Variants in CDK5RAP1 observed in about 807,000 individuals in gnomAD.
CDK5RAP1 encodes mitochondrial tRNA methylthiotransferase CDK5RAP1.
CDK5RAP1 carries 62 observed loss-of-function variants against 64.5 expected under a neutral mutation model. That is an observed-to-expected ratio of 0.96 (90% CI 0.78 to 1.19). CDK5RAP1 has a LOEUF of 1.19. CDK5RAP1 is among the 50% of genes most tolerant of loss of function. The pLI, the probability that CDK5RAP1 is intolerant of heterozygous loss-of-function variation, is 0.00. For missense variants in CDK5RAP1, 657 were observed against 735.0 expected, an observed-to-expected ratio of 0.89 and a Z score of 1.23; for synonymous variants, 250 against 261.9, an observed-to-expected ratio of 0.95 and a Z score of 0.44.
chr20:33,366,924 G>T lies in CDK5RAP1; in HGVS notation c.1477C>A (p.Arg493=). 1 of 1,613,742 alleles carries T rather than the reference G, an allele frequency of 6.2e-7. No individual in the cohort carries two copies. Among genetic ancestry groups the T allele is most frequent in the Admixed American group, 1.7e-5 (1 of 59,988 alleles). The change falls in exon 12 of 14, where the codon CGA becomes AGA. Residue 493 remains arginine (R), a synonymous_variant. Coordinates refer to ENST00000346416, the MANE Select transcript of CDK5RAP1 (RefSeq NM_016408.4). ...RRLEELITIF[R]EEATKANQTS... ...TGATTGGCTTTTGTTGCTTCTTCTC[G>T]GAAGATAGTGATGAGTTCCTCCAAA...
rs753298516 is a variant in CDK5RAP1, at chr20:33,387,355, G to A, written c.723C>T (p.Val241=). The part of the protein sequence containing the change: ...LDETYADVMP[V]QTSASATSAF... The stretch of plus-strand genomic sequence containing the variant: ...CAGACGTGGCACTGGCGCTTGTCTG[G>A]ACTGGCATGACATCAGCATAGGTCT... The change falls in exon 6 of 14, where the codon GTC becomes GTT. Residue 241 remains valine, a synonymous_variant. Transcript: ENST00000346416. The A allele has an allele frequency of 6.2e-7, 1 of 1,614,056 alleles. No individual in the cohort carries two copies. The highest frequency in any genetic ancestry group is 8.5e-7 in the Non-Finnish European group (1 of 1,179,996).
rs1987602179 is a variant in CDK5RAP1, at chr20:33,387,512, T to G, written c.566A>C (p.Lys189Thr). The change falls in exon 6 of 14, where the codon AAG becomes ACG. Residue 189 changes from lysine (K) to threonine (T), a missense_variant. By Grantham distance (78) the Lys-to-Thr change is moderately conservative (BLOSUM62 -1). Transcript: ENST00000346416. ...TTTCTCTCTGTTGAGAATCTCCTCC[T>G]TCAACCTCTCAGCCATGCAGCCTGG... ...GILGCMAERL[K>T]EEILNREKMV... The G allele has an allele frequency of 1.2e-6, 2 of 1,613,930 alleles. No homozygotes were observed. The highest frequency in any genetic ancestry group is 2.7e-5 in the African/African-American group (2 of 74,908).
intron 12 of CDK5RAP1, among the ~76,000 whole-genome samples, chr20:33,362,228 A>G (rs1369092812): frequency 1.3e-5 from 2 of 152,182 alleles, no homozygotes; most frequent in Admixed American, 1.3e-4. Flanking sequence ...ACCCCCAGCC[A>G]CATCAAATTC....
At chr20:33,364,382 T>C (rs1983501963) in intron 12 of CDK5RAP1, among the ~76,000 whole-genome samples, 1 of 151,618 alleles carries the variant, frequency 6.6e-6, no homozygotes, top group Non-Finnish European at 1.5e-5. Flanking sequence ...AGAGACGGGG[T>C]TTCACCATCT....
intron 1 of CDK5RAP1, 23 bp from the exon 2 acceptor site, chr20:33,397,107 A>G: frequency 6.5e-7 from 1 of 1,539,696 alleles, no homozygotes; most frequent in Non-Finnish European, 8.8e-7. Context: ...GACAGACATC[A>G]CCAGCATTTA....
chr20:33,374,329 A>G (rs1985617804), intron 8 of CDK5RAP1, 117 bp from the exon 9 acceptor site: 2 of 669,130 alleles, frequency 3.0e-6, no homozygotes, highest in Admixed American at 2.6e-5. Flanking sequence ...TAAGAGGCTA[A>G]TTAAACCAGA....
chr20:33,391,056 C>CCACACTT (rs1268022640), intron 5 of CDK5RAP1, among the ~76,000 whole-genome samples: 1 of 151,942 alleles, frequency 6.6e-6, no homozygotes, highest in Non-Finnish European at 1.5e-5. Flanking sequence ...AAGTTCTAGA[C>CCACACTT]CAGCCTGGGC....
At chr20:33,370,668 T>C in intron 10 of CDK5RAP1, 39 bp from the exon 11 acceptor site, 1 of 1,612,698 alleles carries the variant, frequency 6.2e-7, no homozygotes, top group Non-Finnish European at 8.5e-7. Flanking sequence ...GACTGCCTGC[T>C]GTTTACCTTC....
At position 33,392,226 on chromosome 20, in the gene CDK5RAP1, T is replaced by A; in HGVS notation, c.460A>T (p.Thr154Ser). 6.2e-7 allele frequency: 1 copy of A among 1,613,294 alleles called. No homozygotes were observed. The highest frequency in any genetic ancestry group is 8.5e-7 in the Non-Finnish European group (1 of 1,179,260). ...TCSIREKAEQ[T>S]IWNRLHQLKA... ...AGCTGATGTAAACGGTTCCAGATGGTCTGCTCAGCCTTCTCCCTAGAGAGA... is the reference window on the plus strand; with the variant it reads ...AGCTGATGTAAACGGTTCCAGATGGACTGCTCAGCCTTCTCCCTAGAGAGA... The change falls in exon 5 of 14, where the codon ACC (threonine) becomes TCC (serine). Residue 154 changes from threonine (T) to serine (S), a missense_variant. Thr to Ser is a moderately conservative substitution (Grantham distance 58). Transcript: ENST00000346416.
intron 12 of CDK5RAP1, among the ~76,000 whole-genome samples, chr20:33,361,214 G>T (rs1982852725): frequency 6.6e-6 from 1 of 152,184 alleles, no homozygotes; most frequent in Non-Finnish European, 1.5e-5. Flanking sequence ...TGCCAGACGG[G>T]AGCCTGTGAA....
At chr20:33,361,532 T>C (rs1029085159) in intron 12 of CDK5RAP1, among the ~76,000 whole-genome samples, 2 of 152,152 alleles carry the variant, frequency 1.3e-5, no homozygotes, top group Middle Eastern at 3.2e-3. Context: ...GAAGAGTTTA[T>C]GGATTTGTCA....
chr20:33,375,195 A>C (rs960970602), intron 8 of CDK5RAP1, among the ~76,000 whole-genome samples: 1 of 151,882 alleles, frequency 6.6e-6, no homozygotes, highest in Non-Finnish European at 1.5e-5. Context: ...TGAGGTCAGC[A>C]GTTCGAGACC....
intron 8 of CDK5RAP1, among the ~76,000 whole-genome samples, chr20:33,378,995 G>A (rs1247005213): frequency 5.3e-5 from 8 of 152,090 alleles, no homozygotes; most frequent in Admixed American, 5.2e-4. Flanking sequence ...TCTCACCCAG[G>A]ATGGAGTGCA....
chr20:33,397,061 G>A lies in CDK5RAP1; in HGVS notation c.4C>T (p.His2Tyr). 6.2e-7 allele frequency: 1 copy of A among 1,603,012 alleles called. No individual in the cohort carries two copies. Among genetic ancestry groups the A allele is most frequent in the South Asian group, 1.1e-5 (1 of 90,106 alleles). Residue 2 changes from histidine (H) to tyrosine (Y), a missense_variant, in exon 2 of 14, where the codon CAC (histidine) becomes TAC (tyrosine). Transcript: ENST00000346416. M[H>Y]PLQCVLQVQR... is the part of the protein sequence containing the mutation. The stretch of plus-strand genomic sequence containing the variant: ...ACTTGGAGGACACACTGTAAAGGGT[G>A]CATGGCACTAAACAGCCCACAGTCT...
At chr20:33,362,126 T>C (rs1261753771) in intron 12 of CDK5RAP1, among the ~76,000 whole-genome samples, 1 of 151,792 alleles carries the variant, frequency 6.6e-6, no homozygotes, top group Non-Finnish European at 1.5e-5. Context: ...AGGTGAAATT[T>C]TTCCAGATTT....
intron 11 of CDK5RAP1, 43 bp downstream of exon 11, chr20:33,370,456 C>T: frequency 5.0e-6 from 8 of 1,608,222 alleles, no homozygotes; most frequent in Non-Finnish European, 6.8e-6. Context: ...CACCCCCAAA[C>T]TGGTCAGGAA....
At position 33,392,708 on chromosome 20, in the gene CDK5RAP1, A is replaced by G. The variant is rs936665458; in HGVS notation, c.444-466T>C. ...TGACATCCTTCCTACACATCTTCAA[A>G]TCCTGAAAAGCCTTTAAGCCAAACT... On this transcript the variant is annotated intron_variant, in intron 4 of 13. Transcript: ENST00000346416. 3.3e-5 allele frequency among the ~76,000 whole-genome samples: 5 copies of G among 152,098 alleles called. No homozygotes were observed. In the South Asian group the frequency reaches 6.2e-4, roughly 19 times the overall value.
intron 4 of CDK5RAP1, among the ~76,000 whole-genome samples, chr20:33,392,757 C>T (rs1455288111): frequency 6.6e-6 from 1 of 152,072 alleles, no homozygotes; most frequent in Non-Finnish European, 1.5e-5. Context: ...CTTCACAAGG[C>T]CTTCCAGTTC....
intron 4 of CDK5RAP1, among the ~76,000 whole-genome samples, chr20:33,392,865 C>G (rs1291241785): frequency 2.0e-5 from 3 of 151,222 alleles, no homozygotes; most frequent in Admixed American, 6.6e-5. Context: ...CTAGATTTTT[C>G]CCTATACTTA....
Sources: gnomAD v4.1 joint callset for allele counts (sites outside exome capture counted in the v4.1 genomes callset) on GRCh38, gnomAD v4.1.1 for gene constraint, MANE v1.5 for transcripts, NCBI Gene and HGNC (gene_info 2026-07-23, HGNC 2026-07-21) for gene names.